SGSM1: variants seen among roughly 807,000 people sequenced by gnomAD.
SGSM1 encodes the protein RUN and TBC1 domain containing 2.
SGSM1 carries 73 observed loss-of-function variants against 133.8 expected under a neutral mutation model. The observed-to-expected ratio is 0.55, with a 90% confidence interval of 0.45 to 0.66. The LOEUF (loss-of-function observed/expected upper bound fraction) is 0.66, where lower values mean the gene tolerates loss of function less well. Among genes scored for constraint, SGSM1 ranks in the 30% least tolerant of loss-of-function variants. The pLI is 0.00. For missense variants in SGSM1, 1,213 were observed against 1,448.1 expected, an observed-to-expected ratio of 0.84 and a Z score of 2.64; for synonymous variants, 563 against 573.0, an observed-to-expected ratio of 0.98 and a Z score of 0.25.
At chr22:24,821,156 C>T (rs1038516340) in intron 2 of SGSM1, among the ~76,000 whole-genome samples, 3 of 152,214 alleles carry the variant, frequency 2.0e-5, no homozygotes, top group Non-Finnish European at 4.4e-5. Context: ...CCTGCCTCAG[C>T]CTCCCGAATA....
Position 24,898,563 on chromosome 22 carries a change from A to G in SGSM1, c.2610+4A>G, listed in dbSNP as rs1227057808. ...TTCCAGCGGCGTCACCTACTCTGTA[A>G]GTCACCAGGACCCTCCGTTCCATTT... On this transcript the variant is annotated splice_donor_region_variant and intron_variant, in intron 19 of 24. Coordinates refer to ENST00000400358, the MANE Select transcript of SGSM1 (RefSeq NM_001098497.3). 6.3e-7 allele frequency: 1 copy of G among 1,593,946 alleles called. No homozygotes were observed. The highest frequency in any genetic ancestry group is 8.6e-7 in the Non-Finnish European group (1 of 1,169,452).
chr22:24,854,675 C>T (rs1485525326), intron 5 of SGSM1, among the ~76,000 whole-genome samples: 1 of 152,058 alleles, frequency 6.6e-6, no homozygotes, highest in Non-Finnish European at 1.5e-5. Context: ...GAAAATTAGC[C>T]AGTGGTGGCG....
chr22:24,876,473 G>C, intron 12 of SGSM1, 104 bp from the exon 13 acceptor site: 3 of 1,448,654 alleles, frequency 2.1e-6, no homozygotes, highest in South Asian at 2.5e-5. Flanking sequence ...TCCTATCTCT[G>C]TGCTGGCTGG....
chr22:24,844,075 A>G (rs773789962), intron 2 of SGSM1: 1 of 152,140 alleles, frequency 6.6e-6, no homozygotes, highest in Non-Finnish European at 1.5e-5. Flanking sequence ...TGATTCATTC[A>G]TTCATCCAGT....
intron 2 of SGSM1, among the ~76,000 whole-genome samples, chr22:24,815,643 G>C (rs1392150987): frequency 6.6e-6 from 1 of 152,226 alleles, no homozygotes; most frequent in African/African-American, 2.4e-5. Flanking sequence ...TACTCAGGAG[G>C]CTGAGGTAGG....
In SGSM1 at chr22:24,881,211, A is replaced by C. The variant is rs1422432867; in HGVS notation, c.1495+1685A>C. 1.2e-4 allele frequency among the ~76,000 whole-genome samples: 17 copies of C among 140,328 alleles called. 1 individual carries two copies. Among genetic ancestry groups the C allele is most frequent in the African/African-American group, 4.5e-4 (17 of 37,440 alleles). 92.1% of individuals were successfully genotyped at this position (140,328 alleles called of 152,430 possible). ...CCGTCTCAAAAAAAAAAAAAAAAAA[A>C]AGATGGAGATAATAATAGTAACTAA... On this transcript the variant is annotated intron_variant, in intron 14 of 24. Transcript: ENST00000400358.
At position 24,898,382 on chromosome 22, in the gene SGSM1, T is replaced by C. The variant is rs1456573494; in HGVS notation, c.2433T>C (p.Asp811=). ...SLDMALPEKD[D]VVMEGWRSSE... ...ACATGGCCCTGCCTGAAAAGGACGA[T>C]GTTGTGATGGAGGGCTGGAGGAGCA... The change falls in exon 19 of 25, where the codon GAT becomes GAC. Residue 811 remains aspartate, a synonymous_variant. Coordinates refer to ENST00000400358, the MANE Select transcript of SGSM1 (RefSeq NM_001098497.3). 6.2e-7 allele frequency: 1 copy of C among 1,613,168 alleles called. No homozygotes were observed. Among genetic ancestry groups the C allele is most frequent in the African/African-American group, 1.3e-5 (1 of 74,806 alleles).
At chr22:24,906,983 G>A (rs572599507) in intron 21 of SGSM1, among the ~76,000 whole-genome samples, 125 of 150,768 alleles carry the variant, frequency 8.3e-4, no homozygotes, top group Middle Eastern at 3.4e-3. Flanking sequence ...TAAATAGGCC[G>A]GGCATGGTGG....
chr22:24,899,518 CTTT>C (rs56027362), intron 19 of SGSM1, among the ~76,000 whole-genome samples: 2,466 of 133,862 alleles, frequency 0.018, 66 homozygotes, highest in African/African-American at 0.062. Flanking sequence ...CTTTTCTTTT[CTTT>C]TTTTTTTTTT....
Position 24,806,475 on chromosome 22 carries a change from C to T in SGSM1, c.54C>T (p.Val18=). The T allele has an allele frequency of 2.0e-6, 3 of 1,516,726 alleles. No individual in the cohort carries two copies. The highest frequency in any genetic ancestry group is 2.6e-6 in the Non-Finnish European group (3 of 1,132,824). 94.0% of individuals were successfully genotyped at this position (1,516,726 alleles called of 1,614,324 possible). Residue 18 remains valine, a synonymous_variant, in exon 2 of 25, where the codon GTC becomes GTT. Transcript: ENST00000400358. ...CCCGACAGAGGCTGCTACGCACCGT[C>T]AAGAAGGAGGTGGGTGCCGGGGTGG... ...AETRQRLLRT[V]KKEVKQIMEE...
intron 16 of SGSM1, among the ~76,000 whole-genome samples, chr22:24,890,104 CT>C (rs1328809072): frequency 6.6e-6 from 1 of 152,074 alleles, no homozygotes; most frequent in Non-Finnish European, 1.5e-5. Flanking sequence ...CTGCAGGCGC[CT>C]GCCACCACGC....
intron 15 of SGSM1, among the ~76,000 whole-genome samples, chr22:24,886,388 G>A (rs9620453): frequency 0.048 from 4,111 of 85,666 alleles, 161 homozygotes; most frequent in African/African-American, 0.16. Flanking sequence ...GTGACAGAGC[G>A]CTCTGTCTCA....
intron 3 of SGSM1, among the ~76,000 whole-genome samples, chr22:24,845,992 TCTTTCTTTC>T (rs1385669056): frequency 7.3e-6 from 1 of 137,718 alleles, no homozygotes; most frequent in African/African-American, 2.7e-5. Context: ...TTTCTTTCTT[TCTTTCTTTC>T]TTTCTTTCTT....
chr22:24,845,973 C>T (rs1317929222), intron 3 of SGSM1, among the ~76,000 whole-genome samples: 8 of 143,760 alleles, frequency 5.6e-5, no homozygotes, highest in African/African-American at 2.1e-4. Context: ...TTCTTTCTTT[C>T]TTTCTTTCTT....
At chr22:24,880,257 C>T (rs1932252558) in intron 14 of SGSM1, among the ~76,000 whole-genome samples, 1 of 152,072 alleles carries the variant, frequency 6.6e-6, no homozygotes, top group South Asian at 2.1e-4. Flanking sequence ...GCCTTAGCCT[C>T]TTGAGTAGCT....
At chr22:24,847,506 G>A in intron 3 of SGSM1, 128 bp from the exon 4 acceptor site, 1 of 1,185,674 alleles carries the variant, frequency 8.4e-7, no homozygotes, top group Non-Finnish European at 1.2e-6. Flanking sequence ...CTGTCTCTGG[G>A]GTAAGACAGA....
At chr22:24,890,261 C>T (rs959549445) in intron 16 of SGSM1, among the ~76,000 whole-genome samples, 2 of 151,908 alleles carry the variant, frequency 1.3e-5, no homozygotes, top group East Asian at 1.9e-4. Flanking sequence ...CGGACTTAAA[C>T]GGATTTTTGA....
intron 2 of SGSM1, among the ~76,000 whole-genome samples, chr22:24,815,976 A>G (rs1356674199): frequency 1.3e-5 from 2 of 152,204 alleles, no homozygotes; most frequent in Admixed American, 6.5e-5. Flanking sequence ...GTTTCTATGT[A>G]TATTCAAAAG....
intron 16 of SGSM1, among the ~76,000 whole-genome samples, chr22:24,892,259 C>T (rs117185248): frequency 4.6e-5 from 7 of 152,222 alleles, no homozygotes; most frequent in East Asian, 1.9e-4. Flanking sequence ...CTCAGTCCCC[C>T]TCCCGAAGTC....
Sources: gnomAD v4.1 joint callset for allele counts (sites outside exome capture counted in the v4.1 genomes callset) on GRCh38, gnomAD v4.1.1 for gene constraint, MANE v1.5 for transcripts, NCBI Gene and HGNC (gene_info 2026-07-23, HGNC 2026-07-21) for gene names.